SEM1: variants seen among roughly 807,000 people sequenced by gnomAD.
The protein encoded by SEM1 is 26S proteasome complex subunit SEM1.
Under a neutral mutation model 12.7 loss-of-function variants are expected in SEM1, and 3 were observed. The observed-to-expected ratio is 0.24, with a 90% CI of 0.11 to 0.61. SEM1 has a LOEUF of 0.61. SEM1 is among the 20% of genes least tolerant of loss of function. The pLI is 0.88. For synonymous variants in SEM1, 30 were observed against 27.8 expected (o/e 1.08, Z -0.25); for missense variants, 59 against 81.3 (o/e 0.73, Z 1.06).
chr7:96,697,870 T>A (rs771684243), intron 1 of SEM1, among the ~76,000 whole-genome samples: 20 of 152,136 alleles, frequency 1.3e-4, no homozygotes, highest in Non-Finnish European at 2.9e-4. Context: ...CAAATTATTT[T>A]TTTTGAAAAT....
chr7:96,624,417 T>G (rs529255385), intron 2 of SEM1, among the ~76,000 whole-genome samples: 1 of 152,244 alleles, frequency 6.6e-6, no homozygotes, highest in African/African-American at 2.4e-5. Flanking sequence ...GTGGGTCAAG[T>G]GGGTCGGAGC....
At chr7:96,543,650 C>T (rs1469450819) in intron 2 of SEM1, among the ~76,000 whole-genome samples, 1 of 151,860 alleles carries the variant, frequency 6.6e-6, no homozygotes, top group African/African-American at 2.4e-5. Flanking sequence ...ATAGCATTAA[C>T]CTAAGGAAAT....
chr7:96,574,183 G>A (rs1444988542), intron 2 of SEM1, among the ~76,000 whole-genome samples: 1 of 152,056 alleles, frequency 6.6e-6, no homozygotes, highest in Non-Finnish European at 1.5e-5. Flanking sequence ...AGAACATGTG[G>A]TGTTTGGTTT....
intron 2 of SEM1, among the ~76,000 whole-genome samples, chr7:96,647,817 G>A (rs1808848714): frequency 6.6e-6 from 1 of 152,180 alleles, no homozygotes; most frequent in Admixed American, 6.6e-5. Context: ...AGGAGAGCAG[G>A]AAGCTCACGT....
intron 2 of SEM1, among the ~76,000 whole-genome samples, chr7:96,511,022 C>T (rs1337129974): frequency 6.6e-6 from 1 of 152,078 alleles, no homozygotes; most frequent in African/African-American, 2.4e-5. Flanking sequence ...CACCATCAGT[C>T]TGGGTTTGAT....
chr7:96,676,180 G>A (rs375217554), intron 2 of SEM1, among the ~76,000 whole-genome samples: 67 of 152,262 alleles, frequency 4.4e-4, no homozygotes, highest in African/African-American at 1.5e-3. Flanking sequence ...GCTGGCAGTG[G>A]CCCTGCCCTT....
intron 2 of SEM1, among the ~76,000 whole-genome samples, chr7:96,683,242 CAGA>C (rs779942201): frequency 6.6e-6 from 1 of 151,878 alleles, no homozygotes; most frequent in South Asian, 2.1e-4. Context: ...AGACACTTCT[CAGA>C]AGAAGACATT....
chr7:96,614,259 A>G (rs1807635388), intron 2 of SEM1, among the ~76,000 whole-genome samples: 1 of 152,106 alleles, frequency 6.6e-6, no homozygotes, highest in South Asian at 2.1e-4. Context: ...TTGTTTTCTT[A>G]GTTTCATTCT....
In SEM1 at chr7:96,583,879, G is replaced by A; in HGVS notation, c.171-77181C>T. 1.3e-5 allele frequency among the ~76,000 whole-genome samples: 2 copies of A among 150,816 alleles called. 1 individual carries two copies. Among genetic ancestry groups the A allele is most frequent in the Non-Finnish European group, 2.9e-5 (2 of 67,976 alleles). On this transcript the variant is annotated intron_variant and NMD_transcript_variant, in intron 2 of 3. Transcript: ENST00000466986. Reference sequence around the variant, plus strand: ...GCCTATGTGTCTCTGCACGTGAGATGGGTTTCCTGAATACAGCACACTGAT... The same window carrying A: ...GCCTATGTGTCTCTGCACGTGAGATAGGTTTCCTGAATACAGCACACTGAT...
upstream of SEM1, among the ~76,000 whole-genome samples, chr7:96,497,526 A>G (rs569348869): frequency 1.3e-5 from 2 of 152,302 alleles, no homozygotes; most frequent in East Asian, 1.9e-4. Context: ...CTAATGTATC[A>G]CATTTGTTAC....
At chr7:96,622,689 T>C in intron 2 of SEM1, 1 of 754,760 alleles carries the variant, frequency 1.3e-6, no homozygotes, top group Non-Finnish European at 2.4e-6. Flanking sequence ...TTCAAACACC[T>C]ATTAGCCTCA....
Position 96,614,704 on chromosome 7 carries a change from G to T in SEM1, c.170+80094C>A, listed in dbSNP as rs1170459370. On this transcript the variant is annotated intron_variant and NMD_transcript_variant, in intron 2 of 3. Coordinates refer to the SEM1 transcript ENST00000466986. ...AAAAGCTTTGGGTTCTCTATTGTCT[G>T]TCTTCATCTCCTTCTGCACATGCTA... Among the ~76,000 whole-genome samples the T allele has an allele frequency of 2.6e-5, 4 of 152,342 alleles. No individual in the cohort carries two copies. In the East Asian group the frequency reaches 7.7e-4, roughly 29 times the overall value.
chr7:96,579,268 A>G (rs6465527), intron 2 of SEM1, among the ~76,000 whole-genome samples: 146,268 of 152,306 alleles, frequency 0.96, 70,444 homozygotes, highest in Non-Finnish European at 0.99. Flanking sequence ...TTTCAGCTGT[A>G]GCTTAGTAAT....
At chr7:96,521,546 AC>A (rs923913689) in intron 2 of SEM1, among the ~76,000 whole-genome samples, 1 of 152,038 alleles carries the variant, frequency 6.6e-6, no homozygotes, top group African/African-American at 2.4e-5. Context: ...GACTAATAAG[AC>A]CACAGCTGCC....
At chr7:96,536,521 C>G (rs1172672036) in intron 2 of SEM1, among the ~76,000 whole-genome samples, 1 of 151,728 alleles carries the variant, frequency 6.6e-6, no homozygotes, top group Non-Finnish European at 1.5e-5. Context: ...GTAGTGAGGT[C>G]TCCAAATACA....
At chr7:96,556,121 T>A (rs1198398950) in intron 2 of SEM1, among the ~76,000 whole-genome samples, 1 of 152,172 alleles carries the variant, frequency 6.6e-6, no homozygotes, top group African/African-American at 2.4e-5. Context: ...TACAGCACAC[T>A]GATGGGTCTT....
In SEM1 at chr7:96,640,641, A is replaced by T. The variant is rs1271684203; in HGVS notation, c.171-17998T>A. Among the ~76,000 whole-genome samples the T allele has an allele frequency of 6.6e-6, 1 of 151,950 alleles. No homozygotes were observed. Among genetic ancestry groups the T allele is most frequent in the Non-Finnish European group, 1.5e-5 (1 of 67,946 alleles). ...TGAAAATACTCTGTAAGATACTATA[A>T]TGGTGGACACATGTCATTATACATC... On this transcript the variant is annotated intron_variant, in intron 2 of 2. Coordinates refer to the SEM1 transcript ENST00000417009. This position sits in a 1 kb window ranked among gnomAD's most constrained non-coding sequence, Gnocchi z 4.0.
At chr7:96,586,442 A>G (rs1806640388) in intron 2 of SEM1, among the ~76,000 whole-genome samples, 1 of 152,182 alleles carries the variant, frequency 6.6e-6, no homozygotes, top group Admixed American at 6.5e-5. Context: ...CCTACAATGA[A>G]ATAGCCATAA....
chr7:96,575,036 A>G (rs1047175128), intron 2 of SEM1, among the ~76,000 whole-genome samples: 2 of 151,984 alleles, frequency 1.3e-5, no homozygotes, highest in Admixed American at 6.6e-5. Context: ...TTTGGTGGAG[A>G]AGAGTTGTTC....
Sources: gnomAD v4.1 joint callset for allele counts (sites outside exome capture counted in the v4.1 genomes callset) on GRCh38, gnomAD v4.1.1 for gene constraint, Gnocchi (gnomAD v3.1) non-coding constraint, MANE v1.5 for transcripts, NCBI Gene and HGNC (gene_info 2026-07-23, HGNC 2026-07-21) for gene names.